LGSN: variants seen among roughly 807,000 people sequenced by gnomAD.
LGSN encodes the protein lengsin, lens protein with glutamine synthetase domain, also known as lengsin.
A neutral mutation model predicts 19.5 loss-of-function variants in LGSN; 21 were observed. That is an observed-to-expected ratio of 1.07 (90% CI 0.76 to 1.55). LGSN has a LOEUF of 1.55. Among genes scored for constraint, LGSN ranks in the 40% most tolerant of loss-of-function variants. The probability of loss-of-function intolerance (pLI) is 0.00; values close to 1 mark genes in which losing one functional copy is unlikely to be tolerated. For missense variants in LGSN, 673 were observed against 608.5 expected, an observed-to-expected ratio of 1.11 and a Z score of -1.12; for synonymous variants, 257 against 215.6, an observed-to-expected ratio of 1.19 and a Z score of -1.68.
the LGSN span, among the ~76,000 whole-genome samples, chr6:63,403,945 T>C: frequency 6.8e-6 from 1 of 147,130 alleles, no homozygotes; most frequent in Non-Finnish European, 1.5e-5. Flanking sequence ...AGCCTCTCTC[T>C]TTCTCTCTCT....
the LGSN span, among the ~76,000 whole-genome samples, chr6:63,331,183 G>A: frequency 6.6e-6 from 1 of 152,222 alleles, no homozygotes; most frequent in Non-Finnish European, 1.5e-5. Flanking sequence ...AGGGAGGCTA[G>A]GATATGGGTG....
chr6:63,537,838 C>T, the LGSN span, among the ~76,000 whole-genome samples: 407 of 152,270 alleles, frequency 2.7e-3, 1 homozygote, highest in African/African-American at 9.1e-3. Flanking sequence ...ACACCTCAAC[C>T]GCCAAGAATC....
At chr6:63,561,793 A>G in the LGSN span, among the ~76,000 whole-genome samples, 1 of 152,246 alleles carries the variant, frequency 6.6e-6, no homozygotes, top group African/African-American at 2.4e-5. Flanking sequence ...ACACATTGAA[A>G]GTAAATTATA....
chr6:63,563,358 A>G, the LGSN span, among the ~76,000 whole-genome samples: 1 of 151,802 alleles, frequency 6.6e-6, no homozygotes, highest in African/African-American at 2.4e-5. Flanking sequence ...AGGTCTTCCA[A>G]CTCCTTGAGT....
the LGSN span, among the ~76,000 whole-genome samples, chr6:63,512,332 C>T: frequency 1.3e-5 from 2 of 152,186 alleles, no homozygotes; most frequent in Non-Finnish European, 2.9e-5. Flanking sequence ...ATCTACCTGC[C>T]TCGGCCTCCC....
the LGSN span, among the ~76,000 whole-genome samples, chr6:63,528,446 C>A: frequency 6.6e-6 from 1 of 150,568 alleles, no homozygotes; most frequent in East Asian, 1.9e-4. Flanking sequence ...TTTTTAAGGC[C>A]GGGTACAGTG....
At chr6:63,363,357 G>A in the LGSN span, among the ~76,000 whole-genome samples, 6 of 152,184 alleles carry the variant, frequency 3.9e-5, no homozygotes, top group East Asian at 1.9e-4. Context: ...TGACTTTGAC[G>A]AGTTGAGAGA....
the LGSN span, among the ~76,000 whole-genome samples, chr6:63,522,740 G>T: frequency 1.3e-5 from 2 of 152,078 alleles, no homozygotes; most frequent in Non-Finnish European, 2.9e-5. Context: ...CAACAATAGG[G>T]GAGATACCAT....
the LGSN span, among the ~76,000 whole-genome samples, chr6:63,517,625 C>A: frequency 1.3e-5 from 2 of 151,922 alleles, no homozygotes; most frequent in East Asian, 3.8e-4. Flanking sequence ...TATCTATCAA[C>A]ACACACACAC....
the LGSN span, among the ~76,000 whole-genome samples, chr6:63,432,179 G>GAAAGAAAGAAAGGGAAAGAAAGAAAAGA: frequency 7.0e-5 from 8 of 113,648 alleles, no homozygotes; most frequent in East Asian, 5.8e-4. Flanking sequence ...GAAAAGGAAA[G>GAAAGAAAGAAAGGGAAAGAAAGAAAAGA]AAAGAAAAGA....
At chr6:63,329,444 A>G in the LGSN span, among the ~76,000 whole-genome samples, 2 of 152,236 alleles carry the variant, frequency 1.3e-5, no homozygotes, top group East Asian at 1.9e-4. Context: ...ATCTTGCACT[A>G]GTCTCCACTG....
At chr6:63,400,535 A>G in the LGSN span, among the ~76,000 whole-genome samples, 1 of 152,220 alleles carries the variant, frequency 6.6e-6, no homozygotes, top group Non-Finnish European at 1.5e-5. Context: ...TTCATGCTCT[A>G]TCTTCTAAAT....
chr6:63,309,301 G>C lies in LGSN; in HGVS notation c.30+10613C>G, dbSNP rs150155664. ...ACAAAAATTAGCCGGGTGTGGTAGCGGGTGCCTGTAATCCCAGCTACTCCA... is the reference window on the plus strand; with the variant it reads ...ACAAAAATTAGCCGGGTGTGGTAGCCGGTGCCTGTAATCCCAGCTACTCCA... On this transcript the variant is annotated intron_variant, in intron 1 of 3. Transcript: ENST00000370657. Among the ~76,000 whole-genome samples the C allele has an allele frequency of 3.0e-3, 451 of 152,110 alleles. 3 individuals carry two copies. Among genetic ancestry groups the C allele is most frequent in the African/African-American group, 0.01 (424 of 41,482 alleles).
chr6:63,399,953 C>A, the LGSN span, among the ~76,000 whole-genome samples: 5 of 152,188 alleles, frequency 3.3e-5, no homozygotes, highest in Non-Finnish European at 7.3e-5. Flanking sequence ...GATCTTCCCA[C>A]TTCAGCCTCC....
rs1767178933 is a variant in LGSN, at chr6:63,278,828, A to G, written c.*1193T>C. The G allele has an allele frequency of 6.6e-6, 1 of 152,192 alleles. No homozygotes were observed. The highest frequency in any genetic ancestry group is 1.5e-5 in the Non-Finnish European group (1 of 68,034). 9.4% of individuals were successfully genotyped at this position (152,192 alleles called of 1,614,324 possible). A position where few individuals can be genotyped will look rare whatever the true frequency, so the allele number is the denominator to read the frequency against. ...CTTTCACTATTTAAGCTACTGAGTA[A>G]TATGAATTTTAATAAGAGGATCTGA... On this transcript the variant is annotated 3_prime_UTR_variant, in exon 4 of 4. Transcript: ENST00000370657.
At chr6:63,333,353 C>T in the LGSN span, among the ~76,000 whole-genome samples, 511 of 149,000 alleles carry the variant, frequency 3.4e-3, 4 homozygotes, top group African/African-American at 0.011. Flanking sequence ...TACAAAAAGT[C>T]GAAAGGAAGG....
intron 2 of LGSN, among the ~76,000 whole-genome samples, chr6:63,294,675 C>G (rs1263422286): frequency 2.0e-5 from 3 of 149,528 alleles, no homozygotes; most frequent in Non-Finnish European, 4.5e-5. Context: ...TTTTTTTTTT[C>G]TACTACTGTC....
the LGSN span, chr6:63,573,370 T>G: frequency 1.3e-5 from 2 of 151,368 alleles, no homozygotes; most frequent in African/African-American, 2.4e-5. Flanking sequence ...AGCTCCGGGG[T>G]GGGCGCGGGA....
the LGSN span, among the ~76,000 whole-genome samples, chr6:63,388,708 A>T: frequency 6.6e-6 from 1 of 152,242 alleles, no homozygotes; most frequent in Non-Finnish European, 1.5e-5. Context: ...TTGTTACAGC[A>T]GCCCTGGAAA....
Sources: gnomAD v4.1 joint callset for allele counts (sites outside exome capture counted in the v4.1 genomes callset) on GRCh38, gnomAD v4.1.1 for gene constraint, MANE v1.5 for transcripts, NCBI Gene and HGNC (gene_info 2026-07-23, HGNC 2026-07-21) for gene names.